The following MYO1D variants were observed in gnomAD, a reference collection of about 807,000 sequenced individuals.
The protein encoded by MYO1D is unconventional myosin-Id.
In MYO1D, 83 loss-of-function variants were observed where a neutral mutation model predicts 122.0. The observed-to-expected ratio is 0.68, with a 90% confidence interval of 0.57 to 0.82. The LOEUF is 0.82. MYO1D is among the 40% of genes least tolerant of loss of function. The pLI, the probability that MYO1D is intolerant of heterozygous loss-of-function variation, is 0.00. For synonymous variants in MYO1D, 464 were observed against 446.9 expected (o/e 1.04, Z -0.48); for missense variants, 1,157 against 1,269.5 (o/e 0.91, Z 1.35).
Position 32,699,354 on chromosome 17 carries a change from A to G in MYO1D, c.2121+12634T>C, listed in dbSNP as rs562539160. 8.5e-5 allele frequency among the ~76,000 whole-genome samples: 13 copies of G among 152,336 alleles called. No homozygotes were observed. In the East Asian group the frequency reaches 2.1e-3, roughly 25 times the overall value. On this transcript the variant is annotated intron_variant, in intron 16 of 21. Transcript: ENST00000318217. ...TAATATTACATATCAAGTTTCTGAAATATATGGGAACAAAACTCCCAAATG... is the reference window on the plus strand; with the variant it reads ...TAATATTACATATCAAGTTTCTGAAGTATATGGGAACAAAACTCCCAAATG...
intron 16 of MYO1D, among the ~76,000 whole-genome samples, chr17:32,694,450 C>T (rs1487959790): frequency 6.6e-6 from 1 of 152,048 alleles, no homozygotes; most frequent in Non-Finnish European, 1.5e-5. Flanking sequence ...GCCTGTAATC[C>T]CAGCACTTTG....
chr17:32,794,016 C>T (rs752115492), intron 1 of MYO1D, among the ~76,000 whole-genome samples: 1 of 152,126 alleles, frequency 6.6e-6, no homozygotes, highest in Non-Finnish European at 1.5e-5. Context: ...CACTTGAGAC[C>T]CATTGTTCAG....
chr17:32,869,775 A>T (rs2091163114), intron 1 of MYO1D, among the ~76,000 whole-genome samples: 1 of 152,126 alleles, frequency 6.6e-6, no homozygotes, highest in Non-Finnish European at 1.5e-5. Context: ...CCCAAATAAA[A>T]AAAAAAAATT....
chr17:32,654,970 G>A lies in MYO1D; in HGVS notation c.2346-349C>T, dbSNP rs140698540. On this transcript the variant is annotated intron_variant, in intron 17 of 21. Transcript: ENST00000318217. ...TGGGATTACAGGCATGAGCCACCAC[G>A]CCTGGGCTCCATGCATTCTCAAAAA... Among the ~76,000 whole-genome samples the A allele has an allele frequency of 2.1e-3, 322 of 152,258 alleles. 1 individual carries two copies. Among genetic ancestry groups the A allele is most frequent in the African/African-American group, 7.3e-3 (303 of 41,544 alleles).
At chr17:32,594,372 C>T (rs1297227108) in intron 21 of MYO1D, 4 of 423,524 alleles carry the variant, frequency 9.4e-6, no homozygotes, top group African/African-American at 8.1e-5. Flanking sequence ...TCTGCAATAT[C>T]AACTGTGCCA....
intron 21 of MYO1D, among the ~76,000 whole-genome samples, chr17:32,544,174 C>T (rs1171387455): frequency 6.6e-6 from 1 of 151,176 alleles, no homozygotes; most frequent in Non-Finnish European, 1.5e-5. Flanking sequence ...CTGCTCACTG[C>T]AGCCTTGACC....
chr17:32,793,500 C>T (rs909485896), intron 1 of MYO1D, among the ~76,000 whole-genome samples: 8 of 152,098 alleles, frequency 5.3e-5, no homozygotes, highest in Admixed American at 2.0e-4. Context: ...AATTGTATTG[C>T]TTGACATTTG....
At chr17:32,560,027 C>A (rs2087103449) in intron 21 of MYO1D, among the ~76,000 whole-genome samples, 1 of 152,124 alleles carries the variant, frequency 6.6e-6, no homozygotes, top group Non-Finnish European at 1.5e-5. Flanking sequence ...GAGGCCAAGG[C>A]GGGCAGATCA....
At chr17:32,773,786 T>C (rs1054908978) in intron 4 of MYO1D, among the ~76,000 whole-genome samples, 1 of 152,106 alleles carries the variant, frequency 6.6e-6, no homozygotes, top group South Asian at 2.1e-4. Context: ...AATTTCTCCA[T>C]CCTACAAGGT....
chr17:32,595,839 G>C (rs2087486500), intron 21 of MYO1D, among the ~76,000 whole-genome samples: 1 of 152,156 alleles, frequency 6.6e-6, no homozygotes, highest in Non-Finnish European at 1.5e-5. Flanking sequence ...GACAGCCATG[G>C]GGAAAGATTA....
rs201527629 is a variant in MYO1D, at chr17:32,538,450, AATT to A, written c.2865-43538_2865-43536del. ...CAGGTATGCAACACTGCACCTGGATAATTATTATTATTATTATTATTTTTTTTT... is the reference window on the plus strand; with the variant it reads ...CAGGTATGCAACACTGCACCTGGATAATTATTATTATTATTATTTTTTTTT... On this transcript the variant is annotated intron_variant, in intron 21 of 21. Coordinates refer to ENST00000318217, the MANE Select transcript of MYO1D (RefSeq NM_015194.3). Among the ~76,000 whole-genome samples, 108 of 147,410 alleles carry A rather than the reference AATT, an allele frequency of 7.3e-4. 1 individual carries two copies. The highest frequency in any genetic ancestry group is 8.6e-4 in the Non-Finnish European group (58 of 67,108).
intron 3 of MYO1D, 86 bp from the exon 4 acceptor site, chr17:32,776,115 A>T: frequency 8.4e-7 from 1 of 1,192,072 alleles, no homozygotes; most frequent in South Asian, 1.4e-5. Context: ...ACCACATACA[A>T]ATATTTATAC....
At chr17:32,740,042 CT>C (rs2089755344) in intron 13 of MYO1D, among the ~76,000 whole-genome samples, 1 of 152,200 alleles carries the variant, frequency 6.6e-6, no homozygotes, top group East Asian at 1.9e-4. Flanking sequence ...CATTTGTACA[CT>C]TATATCAAAA....
chr17:32,688,826 T>C (rs1297508956), intron 16 of MYO1D, among the ~76,000 whole-genome samples: 1 of 151,950 alleles, frequency 6.6e-6, no homozygotes, highest in Non-Finnish European at 1.5e-5. Context: ...ACAGAAGTGG[T>C]TTAGGGGCAG....
intron 16 of MYO1D, among the ~76,000 whole-genome samples, chr17:32,667,773 C>T (rs2088656381): frequency 6.6e-6 from 1 of 152,176 alleles, no homozygotes; most frequent in Non-Finnish European, 1.5e-5. Context: ...TTAGGACATG[C>T]CCATTTTATA....
intron 21 of MYO1D, among the ~76,000 whole-genome samples, chr17:32,552,273 T>TA (rs1249015761): frequency 6.6e-5 from 10 of 152,284 alleles, no homozygotes; most frequent in African/African-American, 2.4e-4. Flanking sequence ...ATGGGGGTCT[T>TA]ACTATATTGC....
intron 16 of MYO1D, among the ~76,000 whole-genome samples, chr17:32,704,597 G>A (rs1483553802): frequency 1.3e-5 from 2 of 152,212 alleles, no homozygotes; most frequent in Non-Finnish European, 2.9e-5. Flanking sequence ...TTTAGAAATA[G>A]TCAATGGTAG....
At chr17:32,745,674 A>G in intron 12 of MYO1D, 1 of 162,900 alleles carries the variant, frequency 6.1e-6, no homozygotes, top group South Asian at 1.8e-4. Context: ...GGTAGGATAA[A>G]AGATTCCAAG....
intron 21 of MYO1D, among the ~76,000 whole-genome samples, chr17:32,578,590 T>C (rs1209839798): frequency 6.6e-6 from 1 of 152,238 alleles, no homozygotes; most frequent in East Asian, 1.9e-4. Flanking sequence ...AAAGAGATAA[T>C]ACTCTAAAGA....
Sources: allele counts gnomAD v4.1 joint callset (sites outside exome capture counted in the v4.1 genomes callset), GRCh38; gene constraint gnomAD v4.1.1; transcripts MANE v1.5; gene names NCBI Gene and HGNC (gene_info 2026-07-23, HGNC 2026-07-21).